SGCZ: variants seen among roughly 807,000 people sequenced by gnomAD.
The protein encoded by SGCZ is sarcoglycan zeta.
Under a neutral mutation model 41.3 loss-of-function variants are expected in SGCZ, and 40 were observed. The ratio of observed to expected loss-of-function variants is 0.97; its 90% CI spans 0.75 to 1.26. SGCZ has a LOEUF of 1.26. Ranked by LOEUF, SGCZ falls within the 50% of genes most tolerant of loss-of-function variation. The probability of loss-of-function intolerance (pLI) is 0.00; values close to 1 mark genes in which losing one functional copy is unlikely to be tolerated. For missense variants in SGCZ, 552 were observed against 369.8 expected (o/e 1.49, Z -4.04); for synonymous variants, 206 against 137.5 (o/e 1.50, Z -3.49).
In SGCZ at chr8:14,315,806, T is replaced by C. The variant is rs1021902765; in HGVS notation, c.336+8297A>G. Among the ~76,000 whole-genome samples the C allele has an allele frequency of 2.6e-5, 4 of 151,422 alleles. No homozygotes were observed. In the South Asian group the frequency reaches 6.2e-4, roughly 24 times the overall value. On this transcript the variant is annotated intron_variant, in intron 3 of 7. Transcript: ENST00000382080. ...AAAGGAATTTAAAAATATAAAAATA[T>C]TTAATTGATTCAAACTAAAACTGGT...
intron 1 of SGCZ, among the ~76,000 whole-genome samples, chr8:14,869,852 A>AT (rs1322808159): frequency 2.7e-5 from 4 of 150,822 alleles, no homozygotes; most frequent in Non-Finnish European, 4.5e-5. Flanking sequence ...CTACAAAGGA[A>AT]ATAGGAATCC....
intron 1 of SGCZ, among the ~76,000 whole-genome samples, chr8:14,787,829 A>G (rs1189412648): frequency 6.6e-6 from 1 of 151,990 alleles, no homozygotes; most frequent in Non-Finnish European, 1.5e-5. Flanking sequence ...CTGGACAACA[A>G]CAGTGAAACT....
intron 2 of SGCZ, among the ~76,000 whole-genome samples, chr8:14,465,141 CT>C (rs1230716377): frequency 1.3e-5 from 2 of 151,590 alleles, no homozygotes; most frequent in Non-Finnish European, 3.0e-5. Flanking sequence ...TCTGATGTTT[CT>C]CCCTATTATT....
chr8:14,588,422 G>C, intron 1 of SGCZ, among the ~76,000 whole-genome samples: 1 of 151,398 alleles, frequency 6.6e-6, no homozygotes. Context: ...AGTAAATACA[G>C]GAAAACTTTG....
intron 1 of SGCZ, among the ~76,000 whole-genome samples, chr8:14,599,578 G>C (rs369796691): frequency 6.6e-6 from 1 of 152,044 alleles, no homozygotes; most frequent in East Asian, 1.9e-4. Context: ...GCCCCTTCTT[G>C]TTCTCCTGGG....
chr8:14,896,688 G>C (rs569802338), intron 1 of SGCZ, among the ~76,000 whole-genome samples: 1 of 151,950 alleles, frequency 6.6e-6, no homozygotes, highest in Non-Finnish European at 1.5e-5. Flanking sequence ...TGTTGGTCAA[G>C]GTAGTCTCGA....
At chr8:14,784,912 AAAT>A (rs1381663972) in intron 1 of SGCZ, among the ~76,000 whole-genome samples, 2 of 85,696 alleles carry the variant, frequency 2.3e-5, no homozygotes, top group African/African-American at 4.4e-5. Context: ...CAAAAAAAAA[AAAT>A]ATATATATAT....
rs139376775 is a variant in SGCZ, at chr8:15,222,008, A to G, written c.39+15577T>C. ...TACATTTCAAAATGCATAGAATTAC[A>G]TCATAAAATTATTTCCTCTTATTCA... On this transcript the variant is annotated intron_variant, in intron 1 of 7. Transcript: ENST00000382080. Among the ~76,000 whole-genome samples the G allele has an allele frequency of 4.6e-3, 703 of 152,344 alleles. 2 individuals carry two copies. The highest frequency in any genetic ancestry group is 0.027 in the Middle Eastern group (8 of 294).
chr8:14,214,894 A>C (rs1805941852), intron 4 of SGCZ, among the ~76,000 whole-genome samples: 1 of 152,194 alleles, frequency 6.6e-6, no homozygotes, highest in Non-Finnish European at 1.5e-5. Context: ...TGAGGAGAAA[A>C]AATGGATAAA....
At chr8:14,463,019 T>G (rs972363800) in intron 2 of SGCZ, among the ~76,000 whole-genome samples, 6 of 151,848 alleles carry the variant, frequency 4.0e-5, no homozygotes, top group Non-Finnish European at 1.5e-5. Flanking sequence ...TACAACTGAT[T>G]TTTTGTGTTG....
chr8:15,102,989 T>C (rs1806671674), intron 1 of SGCZ, among the ~76,000 whole-genome samples: 1 of 152,194 alleles, frequency 6.6e-6, no homozygotes, highest in African/African-American at 2.4e-5. Flanking sequence ...GACATAAATG[T>C]AATTATTACA....
chr8:14,407,212 G>T (rs754546038), intron 2 of SGCZ, among the ~76,000 whole-genome samples: 2 of 151,856 alleles, frequency 1.3e-5, no homozygotes, highest in Non-Finnish European at 2.9e-5. Context: ...GGGATTACAG[G>T]TGTGTGCCAC....
chr8:14,792,853 T>C (rs757556810), intron 1 of SGCZ, among the ~76,000 whole-genome samples: 9 of 152,114 alleles, frequency 5.9e-5, no homozygotes, highest in Non-Finnish European at 8.8e-5. Context: ...AGGGCCTTGC[T>C]CCCAGCCTTC....
intron 1 of SGCZ, among the ~76,000 whole-genome samples, chr8:14,870,541 C>T (rs1050196233): frequency 6.6e-6 from 1 of 152,152 alleles, no homozygotes; most frequent in Non-Finnish European, 1.5e-5. Flanking sequence ...GACTTCATGA[C>T]TGAAACACCA....
At chr8:15,015,285 T>C (rs1205368579) in intron 1 of SGCZ, among the ~76,000 whole-genome samples, 1 of 151,938 alleles carries the variant, frequency 6.6e-6, no homozygotes. Flanking sequence ...ATAAAGTGTT[T>C]ATAATTAGAC....
intron 5 of SGCZ, among the ~76,000 whole-genome samples, chr8:14,146,636 G>A (rs2116937977): frequency 6.6e-6 from 1 of 152,056 alleles, no homozygotes; most frequent in Admixed American, 6.6e-5. Context: ...ACTTTGGGAG[G>A]CCGAGGCGGG....
At chr8:14,781,091 T>G (rs146922582) in intron 1 of SGCZ, among the ~76,000 whole-genome samples, 1 of 152,304 alleles carries the variant, frequency 6.6e-6, no homozygotes, top group African/African-American at 2.4e-5. Context: ...GCAGTCAGCA[T>G]TCTGACTCAG....
At chr8:14,156,862 C>T (rs1266798672) in intron 5 of SGCZ, among the ~76,000 whole-genome samples, 1 of 152,100 alleles carries the variant, frequency 6.6e-6, no homozygotes, top group Non-Finnish European at 1.5e-5. Flanking sequence ...AGCTGTCATC[C>T]CCTATGATAA....
At position 14,242,266 on chromosome 8, in the gene SGCZ, G is replaced by A. The variant is rs142889259; in HGVS notation, c.337-4587C>T. Among the ~76,000 whole-genome samples, 18 of 152,334 alleles carry A rather than the reference G, an allele frequency of 1.2e-4. No individual in the cohort carries two copies. The East Asian group carries it at 3.5e-3, about 29-fold the overall frequency. Reference sequence around the variant, plus strand: ...TACATTAAGTCGTAGTGAAATAGCAGTGGTACAAACAGCAACCAACATTTA... The same window carrying A: ...TACATTAAGTCGTAGTGAAATAGCAATGGTACAAACAGCAACCAACATTTA... On this transcript the variant is annotated intron_variant, in intron 3 of 7. Coordinates refer to ENST00000382080, the MANE Select transcript of SGCZ (RefSeq NM_139167.4).
Sources: allele counts gnomAD v4.1 joint callset (sites outside exome capture counted in the v4.1 genomes callset), GRCh38; gene constraint gnomAD v4.1.1; transcripts MANE v1.5; gene names NCBI Gene and HGNC (gene_info 2026-07-23, HGNC 2026-07-21).